Variants in ZNF407 observed in about 807,000 individuals in gnomAD.
The protein encoded by ZNF407 is zinc finger protein 407.
A neutral mutation model predicts 131.2 loss-of-function variants in ZNF407; 17 were observed. That is an observed-to-expected ratio of 0.13 (90% CI 0.09 to 0.19). The LOEUF is 0.19. Among genes scored for constraint, ZNF407 ranks in the 10% least tolerant of loss-of-function variants. The pLI, the probability that ZNF407 is intolerant of heterozygous loss-of-function variation, is 1.00. For missense variants in ZNF407, 2,681 were observed against 2,830.6 expected (o/e 0.95, Z 1.20); for synonymous variants, 1,156 against 1,062.0 (o/e 1.09, Z -1.72).
At chr18:75,006,033 C>T (rs1046249862) in intron 8 of ZNF407, among the ~76,000 whole-genome samples, 3 of 152,138 alleles carry the variant, frequency 2.0e-5, no homozygotes, top group Non-Finnish European at 4.4e-5. Context: ...AAACAAACTG[C>T]GGTGAAATCA....
At chr18:74,713,358 CT>C (rs5826345) in intron 3 of ZNF407, among the ~76,000 whole-genome samples, 55,296 of 84,416 alleles carry the variant, frequency 0.66, 18,840 homozygotes, top group Non-Finnish European at 0.8. Context: ...ATTTTAGCAT[CT>C]TTTTTTTTTT....
intron 8 of ZNF407, among the ~76,000 whole-genome samples, chr18:75,008,152 A>G (rs1042056496): frequency 1.5e-4 from 23 of 152,186 alleles, no homozygotes; most frequent in African/African-American, 5.3e-4. Context: ...ACCTGTGGGC[A>G]GCAGGGGACC....
chr18:74,898,409 T>A (rs903826406), intron 7 of ZNF407: 2 of 152,232 alleles, frequency 1.3e-5, no homozygotes, highest in Non-Finnish European at 2.9e-5. Flanking sequence ...AAGAACTACT[T>A]CTGAGGTTTT....
intron 7 of ZNF407, among the ~76,000 whole-genome samples, chr18:74,902,638 C>T (rs1347817686): frequency 1.3e-5 from 2 of 152,120 alleles, no homozygotes; most frequent in African/African-American, 4.8e-5. Context: ...ATTACTTTTT[C>T]TTCAAAGGTG....
At chr18:74,776,788 A>C (rs886422913) in intron 3 of ZNF407, among the ~76,000 whole-genome samples, 1 of 152,352 alleles carries the variant, frequency 6.6e-6, no homozygotes, top group South Asian at 2.1e-4. Context: ...AGATGAACAC[A>C]TTCTGTATAT....
At chr18:75,023,256 C>G (rs1451699877) in intron 8 of ZNF407, among the ~76,000 whole-genome samples, 2 of 152,068 alleles carry the variant, frequency 1.3e-5, no homozygotes, top group African/African-American at 4.8e-5. Context: ...GTGTAACAAC[C>G]TGCACATCTT....
intron 3 of ZNF407, among the ~76,000 whole-genome samples, chr18:74,690,452 G>GTT (rs35408876): frequency 4.0e-5 from 6 of 150,578 alleles, no homozygotes; most frequent in Admixed American, 6.6e-5. Context: ...TTTTTTGGGG[G>GTT]TTTTTTTTGG....
At chr18:74,718,773 T>G (rs1214188031) in intron 3 of ZNF407, among the ~76,000 whole-genome samples, 2 of 152,226 alleles carry the variant, frequency 1.3e-5, no homozygotes, top group African/African-American at 4.8e-5. Flanking sequence ...CTAAATCTAC[T>G]TATTCTAGTA....
chr18:74,767,649 C>CTTTTT (rs71905017), intron 3 of ZNF407, among the ~76,000 whole-genome samples: 3 of 84,418 alleles, frequency 3.6e-5, no homozygotes, highest in African/African-American at 1.5e-4. Flanking sequence ...TCTGAATTCT[C>CTTTTT]TTTTTTTTTT....
chr18:74,821,312 C>G (rs1336163855), intron 4 of ZNF407, among the ~76,000 whole-genome samples: 2 of 151,962 alleles, frequency 1.3e-5, no homozygotes, highest in Non-Finnish European at 2.9e-5. Context: ...GATACATGTG[C>G]AGAACATTGC....
intron 7 of ZNF407, 38 bp downstream of exon 7, chr18:74,890,076 C>A: frequency 6.9e-7 from 1 of 1,447,868 alleles, no homozygotes; most frequent in South Asian, 1.6e-5. Context: ...TCAGGTGGGC[C>A]GCCATGATGG....
intron 2 of ZNF407, among the ~76,000 whole-genome samples, chr18:74,636,350 T>G (rs1984463375): frequency 6.6e-6 from 1 of 152,202 alleles, no homozygotes; most frequent in Non-Finnish European, 1.5e-5. Context: ...AAAACATTTT[T>G]TTTTGGTGGA....
chr18:74,789,616 T>C (rs1215323633), intron 4 of ZNF407, among the ~76,000 whole-genome samples: 5 of 152,106 alleles, frequency 3.3e-5, no homozygotes, highest in Non-Finnish European at 7.4e-5. Context: ...GAACTGTAAC[T>C]CTGACAGCGT....
chr18:75,058,159 T>C lies in ZNF407; in HGVS notation c.5429-4991T>C, dbSNP rs150053827. On this transcript the variant is annotated intron_variant, in intron 8 of 8. Coordinates refer to ENST00000299687, the MANE Select transcript of ZNF407 (RefSeq NM_017757.3). ...GCTTAACCCCTCCACCCCCGCATAA[T>C]GGAGCTTGTGTTTTTCCACGCTGGA... Among the ~76,000 whole-genome samples, 359 of 152,194 alleles carry C rather than the reference T, an allele frequency of 2.4e-3. 1 individual carries two copies. Among genetic ancestry groups the C allele is most frequent in the African/African-American group, 8.1e-3 (337 of 41,526 alleles).
At chr18:74,605,530 C>T (rs183306707) in intron 1 of ZNF407, among the ~76,000 whole-genome samples, 12 of 151,848 alleles carry the variant, frequency 7.9e-5, no homozygotes, top group African/African-American at 2.2e-4. Context: ...TAGCATAATA[C>T]GGAGTTTGAA....
intron 3 of ZNF407, among the ~76,000 whole-genome samples, chr18:74,764,045 T>C (rs1162683003): frequency 1.3e-5 from 2 of 152,148 alleles, no homozygotes; most frequent in East Asian, 1.9e-4. Context: ...CATGTCTTTT[T>C]TCTCTCTTTT....
At chr18:74,971,755 G>A (rs1300879194) in intron 8 of ZNF407, among the ~76,000 whole-genome samples, 1 of 152,156 alleles carries the variant, frequency 6.6e-6, no homozygotes, top group African/African-American at 2.4e-5. Flanking sequence ...CTCTTACCCA[G>A]TTCCAAAGTT....
At chr18:74,698,326 T>G (rs2144815153) in intron 3 of ZNF407, among the ~76,000 whole-genome samples, 1 of 152,342 alleles carries the variant, frequency 6.6e-6, no homozygotes, top group South Asian at 2.1e-4. Flanking sequence ...TATTTTAAGA[T>G]GGACATATCA....
At chr18:74,673,561 G>T (rs957947279) in intron 3 of ZNF407, among the ~76,000 whole-genome samples, 1 of 152,206 alleles carries the variant, frequency 6.6e-6, no homozygotes, top group East Asian at 1.9e-4. Flanking sequence ...CTGTGAGGAA[G>T]CGTATTCACA....
Sources: allele counts gnomAD v4.1 joint callset (sites outside exome capture counted in the v4.1 genomes callset), GRCh38; gene constraint gnomAD v4.1.1; transcripts MANE v1.5; gene names NCBI Gene and HGNC (gene_info 2026-07-23, HGNC 2026-07-21).